Variants in DRC9 observed in about 807,000 individuals in gnomAD.
The protein encoded by DRC9 is dynein regulatory complex subunit 9, also known as dynein regulatory complex protein 9.
At chr3:197,897,710 A>G in the DRC9 span, among the ~76,000 whole-genome samples, 2 of 152,174 alleles carry the variant, frequency 1.3e-5, no homozygotes, top group African/African-American at 4.8e-5. Context: ...GAATATTTAC[A>G]TAGTCTGACC....
At chr3:197,950,940 G>T in the DRC9 span, 4 of 1,614,006 alleles carry the variant, frequency 2.5e-6, no homozygotes, top group African/African-American at 2.7e-5. Flanking sequence ...TTTAAGGCCT[G>T]CTGGGAACGG....
chr3:197,933,914 G>A, the DRC9 span, among the ~76,000 whole-genome samples: 2 of 147,628 alleles, frequency 1.4e-5, no homozygotes, highest in South Asian at 2.1e-4. Flanking sequence ...GGGTTCAAGC[G>A]ACTCTCCCGC....
At chr3:197,892,763 T>C in the DRC9 span, 2 of 1,614,054 alleles carry the variant, frequency 1.2e-6, no homozygotes, top group Non-Finnish European at 1.7e-6. Flanking sequence ...CAAGTTTCTA[T>C]TTGGAAAGAA....
At chr3:197,893,657 C>G in the DRC9 span, among the ~76,000 whole-genome samples, 62 of 149,532 alleles carry the variant, frequency 4.1e-4, no homozygotes, top group Non-Finnish European at 7.7e-4. Flanking sequence ...TCCTGGCTAA[C>G]ACGGTGAAAC....
At chr3:197,931,087 A>G in the DRC9 span, among the ~76,000 whole-genome samples, 1 of 152,114 alleles carries the variant, frequency 6.6e-6, no homozygotes. Context: ...AGACAAAGTT[A>G]AGGAAATCTC....
At chr3:197,927,457 G>A in the DRC9 span, among the ~76,000 whole-genome samples, 13,098 of 152,110 alleles carry the variant, frequency 0.086, 828 homozygotes, top group East Asian at 0.31. Context: ...AATTCCTGAC[G>A]TCAGGTGATC....
the DRC9 span, among the ~76,000 whole-genome samples, chr3:197,890,410 A>AG: frequency 6.6e-6 from 1 of 152,056 alleles, no homozygotes; most frequent in African/African-American, 2.4e-5. Flanking sequence ...GTCTCAAAAA[A>AG]AAAAAAAAGA....
chr3:197,923,143 C>T, the DRC9 span, among the ~76,000 whole-genome samples: 2 of 152,132 alleles, frequency 1.3e-5, no homozygotes, highest in African/African-American at 2.4e-5. Context: ...GTTTTTGAGA[C>T]GGTCTCACTC....
chr3:197,891,089 C>A, the DRC9 span, among the ~76,000 whole-genome samples: 1 of 152,190 alleles, frequency 6.6e-6, no homozygotes, highest in African/African-American at 2.4e-5. Context: ...ATAGTCTGGG[C>A]TGATGTATAA....
At chr3:197,916,843 T>C in the DRC9 span, among the ~76,000 whole-genome samples, 1 of 151,840 alleles carries the variant, frequency 6.6e-6, no homozygotes, top group Non-Finnish European at 1.5e-5. Context: ...GGAAGAAGAA[T>C]TGTGTTGGGC....
chr3:197,913,779 G>T, the DRC9 span: 2 of 1,215,290 alleles, frequency 1.6e-6, no homozygotes, highest in Non-Finnish European at 2.4e-6. Flanking sequence ...CGATAGAGAT[G>T]GAGGGAAATC....
the DRC9 span, among the ~76,000 whole-genome samples, chr3:197,935,805 C>T: frequency 6.6e-6 from 1 of 152,074 alleles, no homozygotes; most frequent in African/African-American, 2.4e-5. Flanking sequence ...TCAACATGAC[C>T]ATTCACGTTA....
chr3:197,944,708 A>G, the DRC9 span, among the ~76,000 whole-genome samples: 3 of 152,088 alleles, frequency 2.0e-5, no homozygotes, highest in Non-Finnish European at 2.9e-5. Flanking sequence ...TCGGCCTCCC[A>G]AAGTGCTGGG....
the DRC9 span, among the ~76,000 whole-genome samples, chr3:197,893,329 C>T: frequency 3.2e-5 from 4 of 124,122 alleles, no homozygotes; most frequent in Admixed American, 3.4e-4. Context: ...TGCACTCCAG[C>T]CTGGGCAATA....
the DRC9 span, among the ~76,000 whole-genome samples, chr3:197,902,159 G>C: frequency 6.6e-6 from 1 of 152,224 alleles, no homozygotes; most frequent in Admixed American, 6.5e-5. Flanking sequence ...CACAGAATTA[G>C]GGGCTTGGAG....
chr3:197,941,860 T>C, the DRC9 span, among the ~76,000 whole-genome samples: 1 of 152,102 alleles, frequency 6.6e-6, no homozygotes, highest in Admixed American at 6.6e-5. Context: ...CTGAAGGAGA[T>C]AATAAATAGG....
At chr3:197,943,674 A>T in the DRC9 span, 1 of 1,006,834 alleles carries the variant, frequency 9.9e-7, no homozygotes, top group Non-Finnish European at 1.5e-6. Flanking sequence ...GGAAAGAGAG[A>T]GAGAGAAAGA....
chr3:197,932,184 T>C, the DRC9 span: 3 of 1,612,502 alleles, frequency 1.9e-6, no homozygotes, highest in South Asian at 3.3e-5. Context: ...CTGGCAATGA[T>C]GTCATAGAAA....
At chr3:197,942,893 C>CAA in the DRC9 span, among the ~76,000 whole-genome samples, 7 of 61,868 alleles carry the variant, frequency 1.1e-4, no homozygotes, top group Admixed American at 1.8e-4. Context: ...AACTCCATCT[C>CAA]AAAAAAAAAA....
Sources: gnomAD v4.1 joint callset for allele counts (sites outside exome capture counted in the v4.1 genomes callset) on GRCh38, gnomAD v4.1.1 for gene constraint, MANE v1.5 for transcripts, NCBI Gene and HGNC (gene_info 2026-07-23, HGNC 2026-07-21) for gene names.